The following ZNF143 variants were observed in gnomAD, a reference collection of about 807,000 sequenced individuals.
ZNF143 encodes the protein zinc finger protein 143.
In ZNF143, 49 loss-of-function variants were observed where a neutral mutation model predicts 74.1. That is an observed-to-expected ratio of 0.66 (90% CI 0.53 to 0.84). ZNF143 has a LOEUF of 0.84. ZNF143 is among the 40% of genes least tolerant of loss of function. ZNF143 has a pLI of 0.00. For missense variants in ZNF143, 637 were observed against 793.4 expected (o/e 0.80, Z 2.37); for synonymous variants, 304 against 282.8 (o/e 1.07, Z -0.75).
intron 7 of ZNF143, among the ~76,000 whole-genome samples, chr11:9,485,877 G>T (rs1369200990): frequency 6.6e-6 from 1 of 151,420 alleles, no homozygotes; most frequent in Non-Finnish European, 1.5e-5. Flanking sequence ...TACAGTAAAT[G>T]GGATTATAAG....
At chr11:9,519,126 A>C (rs73406296) in intron 14 of ZNF143, among the ~76,000 whole-genome samples, 1 of 152,174 alleles carries the variant, frequency 6.6e-6, no homozygotes, top group African/African-American at 2.4e-5. Context: ...GAACATTTCT[A>C]TCACGCTAGA....
chr11:9,500,913 T>G (rs1848134123), intron 10 of ZNF143, among the ~76,000 whole-genome samples, 178 bp from the exon 11 acceptor site: 1 of 152,116 alleles, frequency 6.6e-6, no homozygotes, highest in Non-Finnish European at 1.5e-5. Context: ...TTATGTAGAT[T>G]TAAGTTTGGA....
chr11:9,486,377 T>TTATA (rs1183238215), intron 7 of ZNF143, among the ~76,000 whole-genome samples: 1 of 37,146 alleles, frequency 2.7e-5, no homozygotes, highest in Non-Finnish European at 4.9e-5. Context: ...ATATAATATA[T>TTATA]TATATATATA....
rs1847474752 is a variant in ZNF143, at chr11:9,486,346, T to TATATATTATATATATAATATATATA, written c.645+6816_645+6817insATATATATAATATATTATATATATA. On this transcript the variant is annotated intron_variant, in intron 7 of 15. Transcript: ENST00000396602. ...GGTCCTAGGCGCTAATTATATTATA[T>TATATATTATATATATAATATATATA]ATATATTATATATATATTATATATA... Among the ~76,000 whole-genome samples, 174 of 56,246 alleles carry TATATATTATATATATAATATATATA rather than the reference T, an allele frequency of 3.1e-3. 7 individuals are homozygous for TATATATTATATATATAATATATATA. The highest frequency in any genetic ancestry group is 0.012 in the African/African-American group (166 of 14,240). 36.9% of individuals were successfully genotyped at this position (56,246 alleles called of 152,430 possible). A position where few individuals can be genotyped will look rare whatever the true frequency, so the allele number is the denominator to read the frequency against.
rs1565038970 is a variant in ZNF143 at position 9,486,399 on chromosome 11, ATATT to A, written c.645+6854_645+6857del. Among the ~76,000 whole-genome samples the A allele has an allele frequency of 8.8e-3, 242 of 27,490 alleles. 16 individuals are homozygous for A. The East Asian group carries it at 0.12, about 13-fold the overall frequency. The allele number at this position is 27,490 out of a possible 152,430, so 18.0% of individuals were successfully genotyped here. The stretch of plus-strand genomic sequence containing the variant: ...ATATTATATATATAATATATATAAT[ATATT>A]ATATATATAATATATATTATATATA... On this transcript the variant is annotated intron_variant, in intron 7 of 15. Coordinates refer to ENST00000396602, the MANE Select transcript of ZNF143 (RefSeq NM_003442.6).
At chr11:9,491,823 G>C (rs187587978) in intron 7 of ZNF143, among the ~76,000 whole-genome samples, 1 of 152,256 alleles carries the variant, frequency 6.6e-6, no homozygotes, top group African/African-American at 2.4e-5. Context: ...TAGAAATGGG[G>C]TTTCACCATT....
intron 4 of ZNF143, 26 bp from the exon 5 acceptor site, chr11:9,474,524 A>C (rs1368766830): frequency 6.2e-7 from 1 of 1,612,778 alleles, no homozygotes; most frequent in Non-Finnish European, 8.5e-7. Flanking sequence ...AAAACATGAG[A>C]TCTAAATGTA....
intron 5 of ZNF143, among the ~76,000 whole-genome samples, chr11:9,478,123 G>A (rs1847088447): frequency 6.6e-6 from 1 of 152,196 alleles, no homozygotes; most frequent in African/African-American, 2.4e-5. Flanking sequence ...ACTGCACCCG[G>A]CCTGTTAATG....
chr11:9,497,620 G>A, intron 9 of ZNF143, 55 bp from the exon 10 acceptor site: 3 of 1,368,540 alleles, frequency 2.2e-6, no homozygotes, highest in South Asian at 2.6e-5. Flanking sequence ...TATTCTCAGT[G>A]TGCATGTTTA....
chr11:9,501,126 G>A lies in ZNF143; in HGVS notation c.1003G>A (p.Gly335Ser), dbSNP rs777517760. 4 of 1,614,060 alleles carry A rather than the reference G, an allele frequency of 2.5e-6. No homozygotes were observed. The highest frequency in any genetic ancestry group is 1.1e-5 in the South Asian group (1 of 91,066). ...RPFKCPFEGCGRSFTTSNIRK... is the reference protein window; with the variant it reads ...RPFKCPFEGCSRSFTTSNIRK... ...CTTTAAGTGTCCCTTCGAAGGCTGC[G>A]GTCGGTCCTTTACAACATCAAATAT... The change falls in exon 11 of 16, where the codon GGT (glycine) becomes AGT (serine). Residue 335 changes from glycine to serine, a missense_variant. Around this residue, in one of 2 missense-constraint regions of ZNF143, gnomAD observed 344 missense variants for 485.6 expected, o/e 0.71. Transcript: ENST00000396602.
intron 5 of ZNF143, among the ~76,000 whole-genome samples, chr11:9,475,734 A>G (rs1469875890): frequency 1.3e-5 from 2 of 152,076 alleles, no homozygotes; most frequent in East Asian, 3.8e-4. Context: ...TAAAAATACA[A>G]AAAAATACAA....
intron 7 of ZNF143, among the ~76,000 whole-genome samples, chr11:9,488,943 T>C (rs1453898519): frequency 6.6e-6 from 1 of 151,996 alleles, no homozygotes; most frequent in Non-Finnish European, 1.5e-5. Flanking sequence ...TTAGCCTAGA[T>C]TGGAGATAAA....
intron 7 of ZNF143, among the ~76,000 whole-genome samples, chr11:9,482,934 C>T (rs1565035202): frequency 1.3e-5 from 2 of 150,930 alleles, no homozygotes; most frequent in Admixed American, 6.6e-5. Context: ...TTAATTTCAC[C>T]TGTTTCTTTT....
At chr11:9,473,829 A>G (rs1430549027) in intron 3 of ZNF143, 112 bp from the exon 4 acceptor site, 1 of 1,597,934 alleles carries the variant, frequency 6.3e-7, no homozygotes, top group East Asian at 2.2e-5. Context: ...AAGAATCAAG[A>G]TGAACACGAG....
chr11:9,482,331 C>T (rs1237540988), intron 7 of ZNF143, among the ~76,000 whole-genome samples: 1 of 147,826 alleles, frequency 6.8e-6, no homozygotes, highest in East Asian at 2.0e-4. Context: ...AGTGCAGTGG[C>T]TCGATCTCGG....
In ZNF143 at chr11:9,486,439, A is replaced by AAAATATATTAT. The variant is rs1565039469; in HGVS notation, c.645+6894_645+6895insAATATATTATA. ...TATATATTATATATATTATATATATAATATATTATATATATTATATATATA... is the reference window on the plus strand; with the variant it reads ...TATATATTATATATATTATATATATAAAATATATTATATATATTATATATATTATATATATA... On this transcript the variant is annotated intron_variant, in intron 7 of 15. Coordinates refer to ENST00000396602, the MANE Select transcript of ZNF143 (RefSeq NM_003442.6). Among the ~76,000 whole-genome samples the AAAATATATTAT allele has an allele frequency of 1.3e-3, 29 of 23,132 alleles. 2 individuals are homozygous for AAAATATATTAT. The highest frequency in any genetic ancestry group is 0.029 in the Middle Eastern group (1 of 34). 15.2% of individuals were successfully genotyped at this position (23,132 alleles called of 152,430 possible).
intron 11 of ZNF143, among the ~76,000 whole-genome samples, chr11:9,505,266 C>T (rs1848320412): frequency 6.8e-6 from 1 of 147,414 alleles, no homozygotes; most frequent in African/African-American, 2.5e-5. Context: ...GCCACCATGC[C>T]TGGCCAAAAG....
At chr11:9,486,628 A>G (rs1847563347) in intron 7 of ZNF143, among the ~76,000 whole-genome samples, 1 of 144,934 alleles carries the variant, frequency 6.9e-6, no homozygotes, top group Admixed American at 7.2e-5. Context: ...TGACTCCTTC[A>G]GAAAAGAAAA....
At chr11:9,468,932 G>T (rs952806403) in intron 1 of ZNF143, among the ~76,000 whole-genome samples, 1 of 151,968 alleles carries the variant, frequency 6.6e-6, no homozygotes, top group Non-Finnish European at 1.5e-5. Flanking sequence ...TCAGAAGTTC[G>T]AGACCAGCCT....
Sources: allele counts gnomAD v4.1 joint callset (sites outside exome capture counted in the v4.1 genomes callset), GRCh38; gene constraint gnomAD v4.1.1; regional missense constraint gnomAD v4.1.1; transcripts MANE v1.5; gene names NCBI Gene and HGNC (gene_info 2026-07-23, HGNC 2026-07-21).